The following TSPAN18 variants were observed in gnomAD, a reference collection of about 807,000 sequenced individuals.
TSPAN18 encodes the protein tetraspanin 18.
A neutral mutation model predicts 27.3 loss-of-function variants in TSPAN18; 14 were observed. The observed-to-expected ratio is 0.51, with a 90% CI of 0.34 to 0.80. The LOEUF (loss-of-function observed/expected upper bound fraction) is 0.80, where lower values mean the gene tolerates loss of function less well. TSPAN18 is among the 30% of genes least tolerant of loss of function. The pLI, the probability that TSPAN18 is intolerant of heterozygous loss-of-function variation, is 0.01. For synonymous variants in TSPAN18, 143 were observed against 136.5 expected (o/e 1.05, Z -0.33); for missense variants, 268 against 323.9 (o/e 0.83, Z 1.32).
At chr11:44,867,503 A>G (rs1487868758) in intron 3 of TSPAN18, among the ~76,000 whole-genome samples, 2 of 144,582 alleles carry the variant, frequency 1.4e-5, no homozygotes, top group African/African-American at 5.2e-5. Flanking sequence ...AGTTCAAGTA[A>G]TTCTCCTGCC....
intron 2 of TSPAN18, among the ~76,000 whole-genome samples, chr11:44,850,858 C>G (rs1158558245): frequency 6.6e-6 from 1 of 152,086 alleles, no homozygotes. Context: ...CTCAGGCTCC[C>G]TAGATTCCTT....
intron 2 of TSPAN18, among the ~76,000 whole-genome samples, chr11:44,808,119 A>G (rs1856640187): frequency 6.6e-6 from 1 of 152,180 alleles, no homozygotes; most frequent in African/African-American, 2.4e-5. Context: ...ATAAACCCCT[A>G]TTATGTGCCA....
intron 5 of TSPAN18, among the ~76,000 whole-genome samples, chr11:44,912,144 C>A (rs557958006): frequency 1.3e-5 from 2 of 152,026 alleles, no homozygotes; most frequent in Non-Finnish European, 2.9e-5. Flanking sequence ...ACCTCAGCCC[C>A]CCGAGTAGCT....
At position 44,932,397 on chromosome 11, in the gene TSPAN18, G is replaced by A. The variant is rs1198070823; in HGVS notation, c.*3219G>A. The A allele has an allele frequency of 2.6e-5, 4 of 152,244 alleles. No homozygotes were observed. Among genetic ancestry groups the A allele is most frequent in the Admixed American group, 6.5e-5 (1 of 15,280 alleles). 9.4% of individuals were successfully genotyped at this position (152,244 alleles called of 1,614,324 possible). On this transcript the variant is annotated 3_prime_UTR_variant, in exon 10 of 10. Coordinates refer to ENST00000520358, the MANE Select transcript of TSPAN18 (RefSeq NM_130783.5). ...GAATGTTTCTTACAAAAAGAAAAAG[G>A]AACAAAGAATAAATAGTGACCGTGA...
chr11:44,770,181 G>A (rs185809520), intron 2 of TSPAN18, among the ~76,000 whole-genome samples: 3 of 152,322 alleles, frequency 2.0e-5, no homozygotes, highest in Admixed American at 1.3e-4. Flanking sequence ...CTTGCCTTCT[G>A]GTTGAGGGAA....
chr11:44,833,758 G>T (rs1857204787), intron 2 of TSPAN18, among the ~76,000 whole-genome samples: 1 of 151,902 alleles, frequency 6.6e-6, no homozygotes, highest in South Asian at 2.1e-4. Context: ...TAGACACCAG[G>T]TCTGATAGAC....
chr11:44,931,843 T>G lies in TSPAN18; in HGVS notation c.*2665T>G, dbSNP rs933866188. ...TGGGGGAGGGGTGGGCAGGGATACC[T>G]CTTTGTTTCTTTTCACCCCGAAATA... On this transcript the variant is annotated 3_prime_UTR_variant, in exon 10 of 10. Coordinates refer to ENST00000520358, the MANE Select transcript of TSPAN18 (RefSeq NM_130783.5). 75 of 152,224 alleles carry G rather than the reference T, an allele frequency of 4.9e-4. No individual in the cohort carries two copies. The highest frequency in any genetic ancestry group is 1.8e-3 in the African/African-American group (75 of 41,516). 9.4% of individuals were successfully genotyped at this position (152,224 alleles called of 1,614,324 possible).
intron 8 of TSPAN18, among the ~76,000 whole-genome samples, chr11:44,921,595 G>T (rs1190493242): frequency 1.3e-5 from 2 of 152,168 alleles, no homozygotes; most frequent in Non-Finnish European, 2.9e-5. Context: ...CTAGGACTTG[G>T]CAGAGGGAGG....
At chr11:44,727,948 GCT>G (rs1447425952) in intron 1 of TSPAN18, among the ~76,000 whole-genome samples, 1 of 152,192 alleles carries the variant, frequency 6.6e-6, no homozygotes, top group Non-Finnish European at 1.5e-5. Context: ...TTGGGACGGT[GCT>G]CGGCTCGGGT....
chr11:44,828,181 G>T (rs562924577), intron 2 of TSPAN18, among the ~76,000 whole-genome samples: 4 of 152,128 alleles, frequency 2.6e-5, no homozygotes, highest in Non-Finnish European at 4.4e-5. Flanking sequence ...TTGGAGATGC[G>T]TATGGTCTTT....
At chr11:44,731,896 C>G (rs1854670496) in intron 1 of TSPAN18, among the ~76,000 whole-genome samples, 1 of 152,180 alleles carries the variant, frequency 6.6e-6, no homozygotes, top group African/African-American at 2.4e-5. Context: ...GTTTCCCACC[C>G]TTCACCATGG....
In TSPAN18 at chr11:44,870,277, C is replaced by T. The variant is rs116985607; in HGVS notation, c.-11+9808C>T. On this transcript the variant is annotated intron_variant, in intron 3 of 9. Coordinates refer to ENST00000520358, the MANE Select transcript of TSPAN18 (RefSeq NM_130783.5). ...TTCCCACCCCAGCCCCGGGCCACCA[C>T]CAGTCTACTCTGTGTATCTATAGAT... 3.6e-3 allele frequency among the ~76,000 whole-genome samples: 542 copies of T among 152,296 alleles called. 2 individuals are homozygous for T. Among genetic ancestry groups the T allele is most frequent in the Non-Finnish European group, 5.5e-3 (377 of 68,024 alleles).
chr11:44,779,481 G>A (rs549803482), intron 2 of TSPAN18, among the ~76,000 whole-genome samples: 22 of 152,238 alleles, frequency 1.4e-4, no homozygotes, highest in Admixed American at 5.2e-4. Context: ...GATCAGTAGC[G>A]TCCTAGGCTG....
chr11:44,762,328 A>G (rs562361347), intron 1 of TSPAN18, among the ~76,000 whole-genome samples: 13 of 152,382 alleles, frequency 8.5e-5, no homozygotes, highest in African/African-American at 3.1e-4. Context: ...CATTTTGGAC[A>G]TGATATCATT....
At chr11:44,889,290 A>G (rs2135278062) in intron 3 of TSPAN18, among the ~76,000 whole-genome samples, 1 of 152,342 alleles carries the variant, frequency 6.6e-6, no homozygotes, top group East Asian at 1.9e-4. Flanking sequence ...CCTCTCCTTG[A>G]AGATGATTTC....
intron 2 of TSPAN18, among the ~76,000 whole-genome samples, chr11:44,858,997 G>T (rs191801439): frequency 9.0e-4 from 137 of 152,312 alleles, no homozygotes; most frequent in African/African-American, 3.1e-3. Context: ...ACACCGTCTG[G>T]TGTGACATTC....
chr11:44,751,159 T>A (rs190110085), intron 1 of TSPAN18, among the ~76,000 whole-genome samples: 1 of 152,294 alleles, frequency 6.6e-6, no homozygotes, highest in East Asian at 1.9e-4. Context: ...AGAGAAGACC[T>A]GGTGCCTGCC....
chr11:44,831,488 C>T (rs1857152542), intron 2 of TSPAN18, among the ~76,000 whole-genome samples: 1 of 152,214 alleles, frequency 6.6e-6, no homozygotes, highest in South Asian at 2.1e-4. Context: ...GAACCCAGAA[C>T]TTGGCTTTGG....
chr11:44,808,553 G>A (rs1856649993), intron 2 of TSPAN18, among the ~76,000 whole-genome samples: 1 of 152,200 alleles, frequency 6.6e-6, no homozygotes, highest in Non-Finnish European at 1.5e-5. Context: ...CAGCATAGGA[G>A]TGAGTGACAT....
Sources: gnomAD v4.1 joint callset for allele counts (sites outside exome capture counted in the v4.1 genomes callset) on GRCh38, gnomAD v4.1.1 for gene constraint, MANE v1.5 for transcripts, NCBI Gene and HGNC (gene_info 2026-07-23, HGNC 2026-07-21) for gene names.